SPIDR: variants seen among roughly 807,000 people sequenced by gnomAD.
The protein encoded by SPIDR is scaffold protein involved in DNA repair.
In SPIDR, 93 loss-of-function variants were observed where a neutral mutation model predicts 104.6. That is an observed-to-expected ratio of 0.89 (90% CI 0.75 to 1.06). The LOEUF (loss-of-function observed/expected upper bound fraction) is 1.06. Among genes scored for constraint, SPIDR ranks in the 50% least tolerant of loss-of-function variants. The pLI, the probability that SPIDR is intolerant of heterozygous loss-of-function variation, is 0.00. For missense variants in SPIDR, 1,154 were observed against 1,111.2 expected (o/e 1.04, Z -0.55); for synonymous variants, 431 against 416.9 (o/e 1.03, Z -0.41).
At chr8:47,423,857 G>A (rs554528294) in intron 7 of SPIDR, among the ~76,000 whole-genome samples, 4 of 152,252 alleles carry the variant, frequency 2.6e-5, no homozygotes, top group African/African-American at 9.6e-5. Flanking sequence ...TTATCTTCAC[G>A]AATCATTGTA....
At chr8:47,430,768 T>A (rs1554688650) in intron 7 of SPIDR, among the ~76,000 whole-genome samples, 1 of 152,258 alleles carries the variant, frequency 6.6e-6, no homozygotes. Flanking sequence ...TATCTAATTC[T>A]GTACTTTGTC....
At chr8:47,512,938 G>A (rs890531339) in intron 8 of SPIDR, among the ~76,000 whole-genome samples, 6 of 152,124 alleles carry the variant, frequency 3.9e-5, no homozygotes, top group African/African-American at 1.4e-4. Flanking sequence ...ATGGAAAAAC[G>A]ACTTCTTGTA....
intron 5 of SPIDR, among the ~76,000 whole-genome samples, chr8:47,386,898 GAGAGAGATAT>G (rs1404609056): frequency 6.7e-4 from 53 of 78,562 alleles, no homozygotes; most frequent in African/African-American, 1.9e-3. Context: ...GAGAAAGAGA[GAGAGAGATAT>G]AGATATAGAT....
intron 5 of SPIDR, among the ~76,000 whole-genome samples, chr8:47,352,797 C>G (rs1305551455): frequency 6.6e-6 from 1 of 152,064 alleles, no homozygotes; most frequent in Admixed American, 6.5e-5. Flanking sequence ...GGCGTGGTGG[C>G]TCACGCCTGT....
intron 8 of SPIDR, among the ~76,000 whole-genome samples, chr8:47,586,920 C>T (rs1273988597): frequency 1.3e-5 from 2 of 152,240 alleles, no homozygotes; most frequent in East Asian, 3.9e-4. Context: ...AGGCACGTGC[C>T]AGCACACCTG....
At chr8:47,720,231 A>T (rs750743800) in intron 16 of SPIDR, among the ~76,000 whole-genome samples, 2 of 152,210 alleles carry the variant, frequency 1.3e-5, no homozygotes, top group Non-Finnish European at 2.9e-5. Flanking sequence ...CATTGCATGG[A>T]TGTACCACAG....
intron 10 of SPIDR, among the ~76,000 whole-genome samples, chr8:47,666,790 A>C (rs2074993131): frequency 1.3e-5 from 2 of 152,250 alleles, no homozygotes; most frequent in African/African-American, 2.4e-5. Flanking sequence ...CAATGAATGC[A>C]ATAAGAGTTA....
chr8:47,299,457 G>A (rs1349939883), intron 5 of SPIDR, among the ~76,000 whole-genome samples: 51 of 152,120 alleles, frequency 3.4e-4, no homozygotes, highest in East Asian at 7.7e-4. Context: ...TCTCCTGCCT[G>A]ATTGCCCTGG....
chr8:47,685,501 A>T lies in SPIDR; in HGVS notation c.1685+11560A>T, dbSNP rs565952121. 5.0e-3 allele frequency among the ~76,000 whole-genome samples: 546 copies of T among 110,036 alleles called. 6 individuals are homozygous for T. The highest frequency in any genetic ancestry group is 5.8e-3 in the African/African-American group (215 of 36,948). The allele number at this position is 110,036 out of a possible 152,430, so 72.2% of individuals were successfully genotyped here. A position where few individuals can be genotyped will look rare whatever the true frequency, so the allele number is the denominator to read the frequency against. On this transcript the variant is annotated intron_variant, in intron 11 of 19. Coordinates refer to ENST00000297423, the MANE Select transcript of SPIDR (RefSeq NM_001080394.4). ...GTTTTATTTATTTATTTATTTATTT[A>T]TTTATTTATTTATTTATTTTTTTGA...
chr8:47,683,635 C>T (rs1169867773), intron 11 of SPIDR, among the ~76,000 whole-genome samples: 2 of 152,154 alleles, frequency 1.3e-5, no homozygotes, highest in Non-Finnish European at 2.9e-5. Flanking sequence ...GGTTGAGCAT[C>T]CCTAATGGGA....
chr8:47,553,153 C>A (rs1373155150), intron 8 of SPIDR, among the ~76,000 whole-genome samples: 2 of 152,194 alleles, frequency 1.3e-5, no homozygotes, highest in African/African-American at 4.8e-5. Context: ...ATGGGCTTCC[C>A]TTTGTGGGTA....
At chr8:47,270,379 T>C (rs2035046363) in intron 1 of SPIDR, among the ~76,000 whole-genome samples, 1 of 152,192 alleles carries the variant, frequency 6.6e-6, no homozygotes, top group South Asian at 2.1e-4. Flanking sequence ...TCGGAATTTG[T>C]TCATTTTATT....
intron 8 of SPIDR, among the ~76,000 whole-genome samples, chr8:47,532,619 G>C (rs2086214625): frequency 6.6e-6 from 1 of 152,174 alleles, no homozygotes; most frequent in African/African-American, 2.4e-5. Context: ...TGTGACAACA[G>C]ATTTAAAACA....
At chr8:47,514,879 T>A (rs2082879294) in intron 8 of SPIDR, among the ~76,000 whole-genome samples, 1 of 152,180 alleles carries the variant, frequency 6.6e-6, no homozygotes, top group Non-Finnish European at 1.5e-5. Flanking sequence ...GCTATGCTTT[T>A]CAAAGACATT....
intron 8 of SPIDR, among the ~76,000 whole-genome samples, chr8:47,466,743 G>A (rs1554717235): frequency 6.6e-6 from 1 of 151,026 alleles, no homozygotes; most frequent in Non-Finnish European, 1.5e-5. Context: ...TAACAACCTG[G>A]CATCACAACT....
intron 18 of SPIDR, 34 bp from the exon 19 acceptor site, chr8:47,729,378 G>T: frequency 1.3e-6 from 2 of 1,569,792 alleles, no homozygotes; most frequent in East Asian, 2.3e-5. Flanking sequence ...TGTGTTGGAG[G>T]GAGTTTAACC....
At chr8:47,506,868 C>G (rs950519121) in intron 8 of SPIDR, among the ~76,000 whole-genome samples, 3 of 152,118 alleles carry the variant, frequency 2.0e-5, no homozygotes, top group Non-Finnish European at 2.9e-5. Flanking sequence ...CCCTCCAAAT[C>G]GATTGTTGTT....
At chr8:47,375,431 G>A (rs1381734227) in intron 5 of SPIDR, among the ~76,000 whole-genome samples, 1 of 151,528 alleles carries the variant, frequency 6.6e-6, no homozygotes, top group African/African-American at 2.4e-5. Context: ...TAGTAGAGAC[G>A]GGGTTTCACT....
intron 7 of SPIDR, among the ~76,000 whole-genome samples, chr8:47,410,227 G>A (rs1266058188): frequency 6.6e-6 from 1 of 151,316 alleles, no homozygotes; most frequent in Non-Finnish European, 1.5e-5. Flanking sequence ...TGTCACCCAG[G>A]CTGGAGTGTA....
Sources: allele counts gnomAD v4.1 joint callset (sites outside exome capture counted in the v4.1 genomes callset), GRCh38; gene constraint gnomAD v4.1.1; transcripts MANE v1.5; gene names NCBI Gene and HGNC (gene_info 2026-07-23, HGNC 2026-07-21).